ZNF888: variants seen among roughly 807,000 people sequenced by gnomAD.
ZNF888 encodes CTD-2331H12.6.
Under a neutral mutation model 7.2 loss-of-function variants are expected in ZNF888, and 5 were observed. The observed-to-expected ratio is 0.70, with a 90% CI of 0.36 to 1.46. The LOEUF (loss-of-function observed/expected upper bound fraction) is 1.46, where lower values mean the gene tolerates loss of function less well. ZNF888 is among the 40% of genes most tolerant of loss of function. ZNF888 has a pLI of 0.03. For synonymous variants in ZNF888, 240 were observed against 284.3 expected (o/e 0.84, Z 1.57); for missense variants, 716 against 858.0 (o/e 0.83, Z 2.07).
chr19:52,916,617 T>TATATATAC (rs1555828402), intron 3 of ZNF888, among the ~76,000 whole-genome samples: 210 of 16,112 alleles, frequency 0.013, no homozygotes, highest in African/African-American at 0.025. Flanking sequence ...TACATATACA[T>TATATATAC]ATATATATAT....
chr19:52,910,870 TCTC>T (rs1468656737), intron 4 of ZNF888, among the ~76,000 whole-genome samples: 2 of 152,128 alleles, frequency 1.3e-5, no homozygotes, highest in African/African-American at 2.4e-5. Flanking sequence ...GTGGCATGAT[TCTC>T]CTACCTCAAG....
At chr19:52,910,226 C>T (rs28494599) in intron 4 of ZNF888, among the ~76,000 whole-genome samples, 2,712 of 148,466 alleles carry the variant, frequency 0.018, 84 homozygotes, top group African/African-American at 0.063. Flanking sequence ...AATCCCAGCA[C>T]TTTTGGAGGC....
At position 52,920,832 on chromosome 19, in the gene ZNF888, C is replaced by G. The variant is rs2147940898; in HGVS notation, c.-177-1895G>C. Among the ~76,000 whole-genome samples the G allele has an allele frequency of 3.2e-5, 2 of 62,264 alleles. 1 individual carries two copies. The highest frequency in any genetic ancestry group is 1.0e-3 in the South Asian group (2 of 1,910). The allele number at this position is 62,264 out of a possible 152,430, so 40.8% of individuals were successfully genotyped here. A position where few individuals can be genotyped will look rare whatever the true frequency, so the allele number is the denominator to read the frequency against. ...CCTGTCTCCCTAAAATGTATAAAAC[C>G]AAGCTGCGCCCCGACCACCTTGGGC... is the stretch of plus-strand genomic sequence containing the variant. On this transcript the variant is annotated intron_variant, in intron 1 of 4. Coordinates refer to ENST00000638862, the MANE Select transcript of ZNF888 (RefSeq NM_001393938.1).
At chr19:52,917,746 G>A in intron 3 of ZNF888, 113 bp downstream of exon 3, 3 of 1,567,108 alleles carry the variant, frequency 1.9e-6, no homozygotes, top group Middle Eastern at 1.7e-4. Context: ...ATGGGTGAGT[G>A]TGAGCAAACC....
At position 52,915,410 on chromosome 19, in the gene ZNF888, A is replaced by C. The variant is rs560281145; in HGVS notation, c.16-88T>G. On this transcript the variant is annotated intron_variant, in intron 3 of 4. Transcript: ENST00000638862. ...GAGAAGAAGAGAGGGGAAAGCATGGATTTAATTGTAGTGAATGTTCTGACA... is the reference window on the plus strand; with the variant it reads ...GAGAAGAAGAGAGGGGAAAGCATGGCTTTAATTGTAGTGAATGTTCTGACA... The C allele has an allele frequency of 6.8e-6, 11 of 1,611,936 alleles. No individual in the cohort carries two copies. The South Asian group carries it at 9.9e-5, about 15-fold the overall frequency.
At chr19:52,922,903 G>C (rs2064838659) in intron 1 of ZNF888, among the ~76,000 whole-genome samples, 1 of 105,730 alleles carries the variant, frequency 9.5e-6, no homozygotes, top group African/African-American at 4.2e-5. Flanking sequence ...GGCCCGGCAT[G>C]AGGAGGGAGG....
At chr19:52,913,804 T>A in intron 4 of ZNF888, 1 of 920,102 alleles carries the variant, frequency 1.1e-6, no homozygotes, top group Non-Finnish European at 1.3e-6. Flanking sequence ...ACTTATATGT[T>A]TACTAAGAAC....
At chr19:52,922,917 G>C (rs1307789704) in intron 1 of ZNF888, among the ~76,000 whole-genome samples, 2 of 152,082 alleles carry the variant, frequency 1.3e-5, no homozygotes, top group Admixed American at 6.6e-5. Context: ...AGGGAGGTGG[G>C]GGGGAGATGA....
Position 52,906,892 on chromosome 19 carries a change from C to T in ZNF888, c.1430G>A (p.Arg477His), listed in dbSNP as rs937493730. The change falls in exon 5 of 5, where the codon CGC becomes CAC. Residue 477 changes from arginine (R) to histidine (H), a missense_variant. Transcript: ENST00000638862. Reference protein sequence around the residue: ...KCKECDKVFSRKSHLERHRRI... With the variant: ...KCKECDKVFSHKSHLERHRRI... Reference sequence around the variant, plus strand: ...CCTATGTCTTTCAAGGTGTGATTTGCGACTGAAAACTTTGTCACATTCTTT... The same window carrying T: ...CCTATGTCTTTCAAGGTGTGATTTGTGACTGAAAACTTTGTCACATTCTTT... 26 of 1,607,006 alleles carry T rather than the reference C, an allele frequency of 1.6e-5. 1 individual carries two copies. The highest frequency in any genetic ancestry group is 1.7e-4 in the Middle Eastern group (1 of 5,990).
rs1356860761 is a variant in ZNF888 at position 52,907,693 on chromosome 19, T to A, written c.629A>T (p.Lys210Ile). 3 of 1,608,672 alleles carry A rather than the reference T, an allele frequency of 1.9e-6. No homozygotes were observed. The highest frequency in any genetic ancestry group is 2.5e-6 in the Non-Finnish European group (3 of 1,177,906). ...LLTQKQDVHR[K>I]EKSFQFNESG... ...CTCATTAAATTGGAAAGATTTTTCT[T>A]TCCTGTGTACATCCTGTTTCTGTGT... Residue 210 changes from lysine to isoleucine, a missense_variant, in exon 5 of 5, where the codon AAA becomes ATA. Physicochemically the swap from Lys to Ile is moderately radical, Grantham distance 102 (BLOSUM62 -3). Transcript: ENST00000638862.
At position 52,906,676 on chromosome 19, in the gene ZNF888, C is replaced by A. The variant is rs751615901; in HGVS notation, c.1646G>T (p.Arg549Leu). The A allele has an allele frequency of 2.5e-6, 4 of 1,612,554 alleles. No homozygotes were observed. The African/African-American group carries it at 5.4e-5, about 22-fold the overall frequency. ...TTTGCCACATTCATTACACTTGTAA[C>A]GTTTCTCTCCAGTATGAATGACCTT... is the stretch of plus-strand genomic sequence containing the variant. Reference protein sequence around the residue: ...MHKVIHTGEKRYKCNECGKSF... With the variant: ...MHKVIHTGEKLYKCNECGKSF... Residue 549 changes from arginine to leucine, a missense_variant, in exon 5 of 5, where the codon CGT becomes CTT. Transcript: ENST00000638862.
At chr19:52,918,489 G>T (rs980726314) in intron 2 of ZNF888, among the ~76,000 whole-genome samples, 1 of 152,098 alleles carries the variant, frequency 6.6e-6, no homozygotes, top group Non-Finnish European at 1.5e-5. Context: ...TAAAAATTGG[G>T]TCAGGTGCAA....
At chr19:52,921,811 C>A (rs371673874) in intron 1 of ZNF888, 4 of 187,644 alleles carry the variant, frequency 2.1e-5, no homozygotes, top group East Asian at 3.8e-4. Context: ...GGCTGTAATC[C>A]CAGCTACTCA....
At position 52,905,617 on chromosome 19, in the gene ZNF888, A is replaced by G. The variant is rs55780201; in HGVS notation, c.*548T>C. ...GGTGTGAGCCACCGCACTCAGCCTAATCCTCTTAACATAAACACTTTAATG... is the reference window on the plus strand; with the variant it reads ...GGTGTGAGCCACCGCACTCAGCCTAGTCCTCTTAACATAAACACTTTAATG... On this transcript the variant is annotated 3_prime_UTR_variant, in exon 5 of 5. Transcript: ENST00000638862. 74,451 of 380,824 alleles carry G rather than the reference A, an allele frequency of 0.2. 8,556 individuals are homozygous for G. Among genetic ancestry groups the G allele is most frequent in the Admixed American group, 0.37 (9,972 of 26,814 alleles). 23.6% of individuals were successfully genotyped at this position (380,824 alleles called of 1,614,324 possible).
chr19:52,916,853 A>C (rs1251574685), intron 3 of ZNF888, among the ~76,000 whole-genome samples: 1 of 151,904 alleles, frequency 6.6e-6, no homozygotes, highest in Non-Finnish European at 1.5e-5. Flanking sequence ...CAAAGTTTGC[A>C]GTAAGCCAAG....
Position 52,906,200 on chromosome 19 carries a change from G to A in ZNF888, c.2122C>T (p.His708Tyr), listed in dbSNP as rs1309594123. Residue 708 changes from histidine to tyrosine, a missense_variant, in exon 5 of 5, where the codon CAT becomes TAT. His to Tyr is a moderately conservative substitution (Grantham distance 83, BLOSUM62 2). Coordinates refer to ENST00000638862, the MANE Select transcript of ZNF888 (RefSeq NM_001393938.1). Reference sequence around the variant, plus strand: ...TTCCCTACACCATGGATTGCCTGATGGTGAATAAGTGTTGACTGTGCACGA... The same window carrying A: ...TTCCCTACACCATGGATTGCCTGATAGTGAATAAGTGTTGACTGTGCACGA... ...AFRAQSTLIH[H>Y]QAIHGVGKLD 2 of 1,610,654 alleles carry A rather than the reference G, an allele frequency of 1.2e-6. No homozygotes were observed. The highest frequency in any genetic ancestry group is 1.7e-6 in the Non-Finnish European group (2 of 1,178,122).
At position 52,914,240 on chromosome 19, in the gene ZNF888, A is replaced by G; in HGVS notation, c.142+956T>C. On this transcript the variant is annotated intron_variant, in intron 4 of 4. Coordinates refer to ENST00000638862, the MANE Select transcript of ZNF888 (RefSeq NM_001393938.1). Reference sequence around the variant, plus strand: ...TCTCCCACTTGCAGAGAGTTTCCCCACACACTATTTGAAGGTGGAGCTTCC... The same window carrying G: ...TCTCCCACTTGCAGAGAGTTTCCCCGCACACTATTTGAAGGTGGAGCTTCC... 5.7e-6 allele frequency: 3 copies of G among 522,494 alleles called. No individual in the cohort carries two copies. The South Asian group carries it at 2.6e-4, about 45-fold the overall frequency. The allele number at this position is 522,494 out of a possible 1,614,324, so 32.4% of individuals were successfully genotyped here. A position where few individuals can be genotyped will look rare whatever the true frequency, so the allele number is the denominator to read the frequency against.
intron 4 of ZNF888, among the ~76,000 whole-genome samples, chr19:52,908,783 T>TGGTAAACTGAGA (rs2064641257): frequency 6.8e-6 from 1 of 147,840 alleles, no homozygotes. Context: ...GAGGCAAAGG[T>TGGTAAACTGAGA]TGCAGTGAGC....
In ZNF888 at chr19:52,906,266, C is replaced by T; in HGVS notation, c.2056G>A (p.Gly686Arg). 6.2e-7 allele frequency: 1 copy of T among 1,611,988 alleles called. No homozygotes were observed. Residue 686 changes from glycine to arginine, a missense_variant, in exon 5 of 5, where the codon GGA (glycine) becomes AGA (arginine). This residue lies in a region of ZNF888 where 697 missense variants were observed against 803.4 expected (regional missense o/e 0.87). Coordinates refer to ENST00000638862, the MANE Select transcript of ZNF888 (RefSeq NM_001393938.1). ...TCACTACACTTGAAAGGTTTCTCTCCAGTATGAATTCTAGTATGTTGTGCC... is the reference window on the plus strand; with the variant it reads ...TCACTACACTTGAAAGGTTTCTCTCTAGTATGAATTCTAGTATGTTGTGCC... Reference protein sequence around the residue: ...HLAQHTRIHTGEKPFKCSECG... With the variant: ...HLAQHTRIHTREKPFKCSECG...
Sources: allele counts gnomAD v4.1 joint callset (sites outside exome capture counted in the v4.1 genomes callset), GRCh38; gene constraint gnomAD v4.1.1; regional missense constraint gnomAD v4.1.1; transcripts MANE v1.5; gene names NCBI Gene and HGNC (gene_info 2026-07-23, HGNC 2026-07-21).